The following MARCHF10 variants were observed in gnomAD, a reference collection of about 807,000 sequenced individuals.
MARCHF10 encodes the protein probable E3 ubiquitin-protein ligase MARCHF10.
MARCHF10 carries 64 observed loss-of-function variants against 76.2 expected under a neutral mutation model. The observed-to-expected ratio is 0.84, with a 90% confidence interval of 0.69 to 1.03. MARCHF10 has a LOEUF of 1.03. MARCHF10 is among the 50% of genes least tolerant of loss of function. MARCHF10 has a pLI of 0.00. For synonymous variants in MARCHF10, 340 were observed against 357.5 expected (o/e 0.95, Z 0.55); for missense variants, 875 against 958.0 (o/e 0.91, Z 1.14).
At chr17:62,765,212 C>T (rs1007841188) in intron 3 of MARCHF10, among the ~76,000 whole-genome samples, 11 of 151,776 alleles carry the variant, frequency 7.2e-5, no homozygotes, top group African/African-American at 2.4e-4. Flanking sequence ...ATTAGCTGGG[C>T]GTAGTGGCAT....
intron 3 of MARCHF10, among the ~76,000 whole-genome samples, chr17:62,768,068 C>T (rs2092374330): frequency 6.6e-6 from 1 of 152,192 alleles, no homozygotes; most frequent in African/African-American, 2.4e-5. Flanking sequence ...CAGCATCAGC[C>T]TGAGTCCCTG....
At position 62,728,290 on chromosome 17, in the gene MARCHF10, C is replaced by T. The variant is rs1040658277; in HGVS notation, c.1938-3186G>A. On this transcript the variant is annotated intron_variant, in intron 6 of 10. Coordinates refer to ENST00000311269, the MANE Select transcript of MARCHF10 (RefSeq NM_152598.4). Reference sequence around the variant, plus strand: ...AATCCTGCCTCAGCCTCCCAAAGTACTGGGACTGTGGGGAGTGAGCCACTG... The same window carrying T: ...AATCCTGCCTCAGCCTCCCAAAGTATTGGGACTGTGGGGAGTGAGCCACTG... Among the ~76,000 whole-genome samples, 12 of 152,274 alleles carry T rather than the reference C, an allele frequency of 7.9e-5. No individual in the cohort carries two copies. The East Asian group carries it at 2.3e-3, about 29-fold the overall frequency.
chr17:62,778,516 A>G (rs574679524), intron 3 of MARCHF10, among the ~76,000 whole-genome samples: 1 of 152,194 alleles, frequency 6.6e-6, no homozygotes, highest in Non-Finnish European at 1.5e-5. Flanking sequence ...GGATCACTTG[A>G]GGTCAGGAGT....
In MARCHF10 at chr17:62,759,851, G is replaced by A. The variant is rs375639451; in HGVS notation, c.366C>T (p.Pro122=). 46 of 1,613,840 alleles carry A rather than the reference G, an allele frequency of 2.9e-5. No individual in the cohort carries two copies. Among genetic ancestry groups the A allele is most frequent in the Non-Finnish European group, 3.8e-5 (45 of 1,179,952 alleles). Residue 122 remains proline, a synonymous_variant, in exon 4 of 11, where the codon CCC becomes CCT. Transcript: ENST00000311269. Reference sequence around the variant, plus strand: ...GCCACTCACCTGGAGAGGGTTCGCTGGGGTCCACTTTCTCTGCTTTCCTTA... The same window carrying A: ...GCCACTCACCTGGAGAGGGTTCGCTAGGGTCCACTTTCTCTGCTTTCCTTA... ...MTVRKAEKVD[P]SEPSPADQAP... is the part of the protein sequence containing the mutation.
intron 3 of MARCHF10, among the ~76,000 whole-genome samples, chr17:62,779,041 C>A (rs2092606230): frequency 6.6e-6 from 1 of 152,200 alleles, no homozygotes; most frequent in African/African-American, 2.4e-5. Flanking sequence ...AAACCGTGGG[C>A]TGCACATTCT....
At position 62,790,829 on chromosome 17, in the gene MARCHF10, C is replaced by T. The variant is rs183091264; in HGVS notation, c.91-2230G>A. ...TCCTTGGAATTGGGACAGTTATTCA[C>T]ATCGTGCTTTATGTCTGAATTGCAG... On this transcript the variant is annotated intron_variant, in intron 2 of 10. Transcript: ENST00000311269. Among the ~76,000 whole-genome samples the T allele has an allele frequency of 4.6e-5, 7 of 152,304 alleles. No homozygotes were observed. In the East Asian group the frequency reaches 1.2e-3, roughly 25 times the overall value.
intron 2 of MARCHF10, among the ~76,000 whole-genome samples, chr17:62,792,350 T>C (rs1418684572): frequency 6.6e-6 from 1 of 152,056 alleles, no homozygotes; most frequent in Non-Finnish European, 1.5e-5. Context: ...ATGCCATTGA[T>C]TCTTGCTTTC....
chr17:62,759,726 C>A, intron 4 of MARCHF10, 109 bp downstream of exon 4: 1 of 1,141,052 alleles, frequency 8.8e-7, no homozygotes. Context: ...CGGCCTCAGC[C>A]TCTCAAAGTG....
At chr17:62,737,377 A>G (rs750856672) in intron 5 of MARCHF10, 45 bp from the exon 6 acceptor site, 1 of 1,575,558 alleles carries the variant, frequency 6.3e-7, no homozygotes, top group Admixed American at 2.0e-5. Context: ...AAAAGGGCCC[A>G]TGGATGAAAG....
intron 3 of MARCHF10, among the ~76,000 whole-genome samples, chr17:62,786,939 C>A (rs1309333636): frequency 6.6e-6 from 1 of 152,288 alleles, no homozygotes; most frequent in Non-Finnish European, 1.5e-5. Flanking sequence ...TACTGTTTGA[C>A]TTGAATTATA....
At chr17:62,726,980 G>T (rs948780131) in intron 6 of MARCHF10, among the ~76,000 whole-genome samples, 1 of 152,162 alleles carries the variant, frequency 6.6e-6, no homozygotes, top group African/African-American at 2.4e-5. Context: ...TTGGAAACAA[G>T]TGCTCTAAAT....
intron 3 of MARCHF10, among the ~76,000 whole-genome samples, chr17:62,772,269 A>G (rs2092462514): frequency 6.6e-6 from 1 of 152,086 alleles, no homozygotes; most frequent in Non-Finnish European, 1.5e-5. Context: ...TGGTTTTATA[A>G]AGGGGAGTTT....
intron 3 of MARCHF10, among the ~76,000 whole-genome samples, chr17:62,760,848 C>T (rs1018100088): frequency 2.0e-5 from 3 of 152,164 alleles, no homozygotes; most frequent in African/African-American, 7.2e-5. Flanking sequence ...GGGGTCGTTG[C>T]GGTGGGGGTG....
At chr17:62,768,051 G>C (rs2092373775) in intron 3 of MARCHF10, among the ~76,000 whole-genome samples, 1 of 152,166 alleles carries the variant, frequency 6.6e-6, no homozygotes, top group Non-Finnish European at 1.5e-5. Flanking sequence ...GTTGAAGACG[G>C]CAGAACCAGC....
intron 4 of MARCHF10, among the ~76,000 whole-genome samples, chr17:62,752,133 C>T (rs2091915981): frequency 6.6e-6 from 1 of 152,042 alleles, no homozygotes; most frequent in African/African-American, 2.4e-5. Context: ...CTTCTTTCTT[C>T]CTAAATGGCC....
chr17:62,702,580 C>T (rs1159800616), intron 10 of MARCHF10, among the ~76,000 whole-genome samples: 5 of 152,004 alleles, frequency 3.3e-5, no homozygotes, highest in Admixed American at 6.6e-5. Context: ...GCAGGAGAAT[C>T]GCTTGAACTT....
chr17:62,789,733 T>A (rs1178660903), intron 2 of MARCHF10, among the ~76,000 whole-genome samples: 1 of 151,992 alleles, frequency 6.6e-6, no homozygotes, highest in Non-Finnish European at 1.5e-5. Context: ...ATGCCAAGAG[T>A]TCGAGACCAA....
intron 2 of MARCHF10, among the ~76,000 whole-genome samples, chr17:62,790,039 T>C (rs538811125): frequency 3.9e-5 from 6 of 152,304 alleles, no homozygotes; most frequent in Non-Finnish European, 8.8e-5. Context: ...ATGAAAATAA[T>C]TCCCCATGTT....
At chr17:62,765,940 C>T (rs975825277) in intron 3 of MARCHF10, among the ~76,000 whole-genome samples, 6 of 152,070 alleles carry the variant, frequency 3.9e-5, no homozygotes, top group Admixed American at 1.3e-4. Flanking sequence ...TGGCAGCTCA[C>T]GCCTGTAATC....
Sources: gnomAD v4.1 joint callset for allele counts (sites outside exome capture counted in the v4.1 genomes callset) on GRCh38, gnomAD v4.1.1 for gene constraint, MANE v1.5 for transcripts, NCBI Gene and HGNC (gene_info 2026-07-23, HGNC 2026-07-21) for gene names.